Variants in WDR7 observed in about 807,000 individuals in gnomAD.
WDR7 encodes WD repeat domain 7, also known as WD repeat-containing protein 7.
Under a neutral mutation model 169.4 loss-of-function variants are expected in WDR7, and 46 were observed. The observed-to-expected ratio is 0.27, with a 90% CI of 0.21 to 0.35. WDR7 has a LOEUF of 0.35. WDR7 is among the 10% of genes least tolerant of loss of function. The pLI is 1.00. For missense variants in WDR7, 1,534 were observed against 1,859.3 expected (o/e 0.83, Z 3.22); for synonymous variants, 612 against 666.8 (o/e 0.92, Z 1.27).
chr18:56,672,379 T>C, intron 1 of WDR7, 118 bp from the exon 2 acceptor site: 1 of 665,222 alleles, frequency 1.5e-6, no homozygotes, highest in South Asian at 4.5e-5. Context: ...TTTAAGTAGC[T>C]GTAATTCACT....
intron 20 of WDR7, among the ~76,000 whole-genome samples, chr18:56,818,874 G>A (rs191890911): frequency 5.3e-5 from 8 of 152,192 alleles, no homozygotes; most frequent in Admixed American, 5.2e-4. Context: ...TAGAGGAATT[G>A]TTCTAATATT....
chr18:56,669,933 A>T (rs1009000026), intron 1 of WDR7, among the ~76,000 whole-genome samples: 2 of 152,162 alleles, frequency 1.3e-5, no homozygotes, highest in Non-Finnish European at 2.9e-5. Context: ...TTGAATGCTG[A>T]TGGCTGAAAA....
At position 56,935,905 on chromosome 18, in the gene WDR7, G is replaced by A. The variant is rs1281998962; in HGVS notation, c.3831G>A (p.Glu1277=). Residue 1277 remains glutamate, a splice_region_variant and synonymous_variant, in exon 23 of 28, where the codon GAG becomes GAA. Transcript: ENST00000254442. The part of the protein sequence containing the change: ...PPAFITTIAK[E]VHRHTALAAN... ...CCTTCATCACCACCATAGCCAAAGA[G>A]GTGAGCGGAACTTCTCAGTGTGCTC... The A allele has an allele frequency of 1.9e-6, 3 of 1,612,666 alleles. No individual in the cohort carries two copies. Among genetic ancestry groups the A allele is most frequent in the Non-Finnish European group, 2.5e-6 (3 of 1,179,422 alleles).
chr18:56,675,409 G>A (rs2025222929), intron 2 of WDR7, among the ~76,000 whole-genome samples: 1 of 151,782 alleles, frequency 6.6e-6, no homozygotes, highest in Non-Finnish European at 1.5e-5. Context: ...GTAGTTTTCA[G>A]AATATAAGGT....
intron 19 of WDR7, among the ~76,000 whole-genome samples, chr18:56,787,413 C>T (rs578227308): frequency 3.9e-5 from 6 of 152,176 alleles, no homozygotes; most frequent in East Asian, 1.9e-4. Context: ...AAGAGGGTGC[C>T]GTTGTAATTT....
chr18:56,731,379 G>A lies in WDR7; in HGVS notation c.1775-4G>A, dbSNP rs1163409756. 4.4e-5 allele frequency: 70 copies of A among 1,608,646 alleles called. No homozygotes were observed. The highest frequency in any genetic ancestry group is 5.4e-5 in the Non-Finnish European group (64 of 1,175,852). On this transcript the variant is annotated splice_region_variant and splice_polypyrimidine_tract_variant and intron_variant, in intron 13 of 27. Transcript: ENST00000254442. Reference sequence around the variant, plus strand: ...AAATATTTGTGAATATATTTTTCTCGCAGGTGCATTGGATCGTTGTGTGAT... The same window carrying A: ...AAATATTTGTGAATATATTTTTCTCACAGGTGCATTGGATCGTTGTGTGAT...
In WDR7 at chr18:56,938,551, C is replaced by T; in HGVS notation, c.3850C>T (p.Leu1284Phe). ...TTTGTAGGTACACAGACATACGGCT[C>T]TTGCAGCAAATACCCAATCACAGCA... is the stretch of plus-strand genomic sequence containing the variant. ...IAKEVHRHTA[L>F]AANTQSQQNM... The change falls in exon 24 of 28, where the codon CTT (leucine) becomes TTT (phenylalanine). Residue 1284 changes from leucine to phenylalanine, a missense_variant. Physicochemically the swap from Leu to Phe is conservative, Grantham distance 22. Transcript: ENST00000254442. The T allele has an allele frequency of 1.2e-6, 2 of 1,613,886 alleles. No individual in the cohort carries two copies. Among genetic ancestry groups the T allele is most frequent in the South Asian group, 1.1e-5 (1 of 91,052 alleles).
chr18:57,021,301 C>A (rs1322629883), intron 27 of WDR7, among the ~76,000 whole-genome samples: 1 of 152,120 alleles, frequency 6.6e-6, no homozygotes, highest in Non-Finnish European at 1.5e-5. Flanking sequence ...TGTTTGAGGG[C>A]CTGGCCTGAG....
At chr18:57,001,525 G>T (rs552790684) in intron 26 of WDR7, among the ~76,000 whole-genome samples, 1 of 152,206 alleles carries the variant, frequency 6.6e-6, no homozygotes, top group East Asian at 1.9e-4. Flanking sequence ...ATTTTTCTGT[G>T]CATGTGGCAT....
chr18:56,935,911 C>A lies in WDR7; in HGVS notation c.3831+6C>A. On this transcript the variant is annotated splice_donor_region_variant and intron_variant, in intron 23 of 27. Transcript: ENST00000254442. Reference sequence around the variant, plus strand: ...TCACCACCATAGCCAAAGAGGTGAGCGGAACTTCTCAGTGTGCTCCATCTT... The same window carrying A: ...TCACCACCATAGCCAAAGAGGTGAGAGGAACTTCTCAGTGTGCTCCATCTT... 1 of 1,609,360 alleles carries A rather than the reference C, an allele frequency of 6.2e-7. No individual in the cohort carries two copies. Among genetic ancestry groups the A allele is most frequent in the Non-Finnish European group, 8.5e-7 (1 of 1,177,130 alleles).
chr18:56,978,902 A>G (rs940435538), intron 26 of WDR7, among the ~76,000 whole-genome samples: 1 of 152,222 alleles, frequency 6.6e-6, no homozygotes, highest in Non-Finnish European at 1.5e-5. Context: ...AACATACTGT[A>G]TGAGGAACAA....
At position 56,763,799 on chromosome 18, in the gene WDR7, A is replaced by G. The variant is rs148308470; in HGVS notation, c.2848+4846A>G. Among the ~76,000 whole-genome samples, 1,171 of 152,236 alleles carry G rather than the reference A, an allele frequency of 7.7e-3. 10 individuals carry two copies. The highest frequency in any genetic ancestry group is 0.017 in the South Asian group (84 of 4,824). Reference sequence around the variant, plus strand: ...ATTCTGCTTGTTTTCAAAAATGTCTACTTGGGTGAACTTTGATCATTTGTG... The same window carrying G: ...ATTCTGCTTGTTTTCAAAAATGTCTGCTTGGGTGAACTTTGATCATTTGTG... On this transcript the variant is annotated intron_variant, in intron 16 of 27. Transcript: ENST00000254442.
downstream of WDR7, chr18:57,032,687 AT>A (rs1436269851): frequency 6.5e-6 from 1 of 153,954 alleles, no homozygotes; most frequent in Non-Finnish European, 1.4e-5. Flanking sequence ...TGAGAATCTA[AT>A]ACCTGATGAT....
intron 21 of WDR7, among the ~76,000 whole-genome samples, chr18:56,911,512 T>C (rs2046551438): frequency 6.6e-6 from 1 of 152,200 alleles, no homozygotes; most frequent in Non-Finnish European, 1.5e-5. Context: ...TACCAACATG[T>C]AAAACAATTC....
chr18:56,896,383 A>G (rs1261913179), intron 21 of WDR7, among the ~76,000 whole-genome samples: 1 of 151,852 alleles, frequency 6.6e-6, no homozygotes, highest in African/African-American at 2.4e-5. Flanking sequence ...AAAAGCCATG[A>G]CACTCCTAAA....
At chr18:56,992,462 G>T (rs1436545279) in intron 26 of WDR7, among the ~76,000 whole-genome samples, 1 of 152,140 alleles carries the variant, frequency 6.6e-6, no homozygotes, top group African/African-American at 2.4e-5. Context: ...ATTCCCAAAG[G>T]AGTGAACTTT....
At chr18:56,925,737 A>T (rs1304534866) in intron 22 of WDR7, among the ~76,000 whole-genome samples, 1 of 152,186 alleles carries the variant, frequency 6.6e-6, no homozygotes, top group Non-Finnish European at 1.5e-5. Context: ...CAGATTGGGC[A>T]TTGCCAGCGT....
At chr18:56,907,421 C>T (rs2046494003) in intron 21 of WDR7, among the ~76,000 whole-genome samples, 1 of 152,104 alleles carries the variant, frequency 6.6e-6, no homozygotes, top group Admixed American at 6.5e-5. Flanking sequence ...GTTTTTGAGA[C>T]AGGAGCTTTG....
chr18:56,667,022 G>A (rs1465997753), intron 1 of WDR7, among the ~76,000 whole-genome samples: 1 of 151,918 alleles, frequency 6.6e-6, no homozygotes, highest in African/African-American at 2.4e-5. Flanking sequence ...TTTGGCAAAA[G>A]CTCATTGCTT....
Sources: gnomAD v4.1 joint callset for allele counts (sites outside exome capture counted in the v4.1 genomes callset) on GRCh38, gnomAD v4.1.1 for gene constraint, MANE v1.5 for transcripts, NCBI Gene and HGNC (gene_info 2026-07-23, HGNC 2026-07-21) for gene names.